FNIP2: variants seen among roughly 807,000 people sequenced by gnomAD.
FNIP2 encodes folliculin interacting protein 2.
A neutral mutation model predicts 108.7 loss-of-function variants in FNIP2; 32 were observed. The observed-to-expected ratio is 0.29, with a 90% CI of 0.22 to 0.40. The LOEUF (loss-of-function observed/expected upper bound fraction) is 0.40. FNIP2 is among the 10% of genes least tolerant of loss of function. The probability of loss-of-function intolerance (pLI) is 1.00; values close to 1 mark genes in which losing one functional copy is unlikely to be tolerated. For missense variants in FNIP2, 1,202 were observed against 1,381.6 expected (o/e 0.87, Z 2.06); for synonymous variants, 480 against 496.7 (o/e 0.97, Z 0.45).
chr4:158,800,425 A>G (rs1339498324), intron 1 of FNIP2, among the ~76,000 whole-genome samples: 1 of 152,160 alleles, frequency 6.6e-6, no homozygotes, highest in Non-Finnish European at 1.5e-5. Flanking sequence ...GTGTGAGTCA[A>G]ATTGCACCCT....
At chr4:158,893,079 T>A (rs569617088) in intron 15 of FNIP2, 1 of 152,386 alleles carries the variant, frequency 6.6e-6, no homozygotes, top group Non-Finnish European at 1.5e-5. Flanking sequence ...TGCCGTTGGT[T>A]AGTTGTGTAA....
At chr4:158,803,061 A>T (rs1214097505) in intron 1 of FNIP2, among the ~76,000 whole-genome samples, 4 of 152,196 alleles carry the variant, frequency 2.6e-5, no homozygotes, top group Non-Finnish European at 5.9e-5. Flanking sequence ...TAGAAAGTTC[A>T]TCAGTTTTGT....
At chr4:158,816,611 C>T (rs186040307) in intron 1 of FNIP2, among the ~76,000 whole-genome samples, 230 of 152,032 alleles carry the variant, frequency 1.5e-3, no homozygotes, top group African/African-American at 4.2e-3. Context: ...GCTGAAACCC[C>T]CTCTCTACTA....
At chr4:158,783,508 C>G (rs1329474615) in intron 1 of FNIP2, among the ~76,000 whole-genome samples, 3 of 152,222 alleles carry the variant, frequency 2.0e-5, no homozygotes, top group Admixed American at 6.5e-5. Flanking sequence ...TATTACCTGT[C>G]TGTTCTGAAG....
intron 1 of FNIP2, among the ~76,000 whole-genome samples, chr4:158,800,477 T>G (rs936802321): frequency 1.3e-5 from 2 of 152,204 alleles, no homozygotes; most frequent in Admixed American, 1.3e-4. Context: ...CTGTCAGAAA[T>G]TGTTTTGCCT....
intron 15 of FNIP2, 136 bp downstream of exon 15, chr4:158,891,782 C>A: frequency 1.2e-6 from 1 of 812,732 alleles, no homozygotes; most frequent in Non-Finnish European, 1.9e-6. Context: ...CTAGAACATG[C>A]AGCATAAAAC....
At chr4:158,851,195 T>C in intron 7 of FNIP2, 126 bp from the exon 8 acceptor site, 1 of 1,126,666 alleles carries the variant, frequency 8.9e-7, no homozygotes, top group Non-Finnish European at 1.3e-6. Context: ...GTGTACAGTT[T>C]AGTGATATTA....
chr4:158,778,589 A>G (rs959049222), intron 1 of FNIP2, among the ~76,000 whole-genome samples: 7 of 151,842 alleles, frequency 4.6e-5, no homozygotes, highest in Non-Finnish European at 7.3e-5. Flanking sequence ...TCGCATAACT[A>G]TGATTATAGT....
chr4:158,788,681 A>C (rs1776303547), intron 1 of FNIP2, among the ~76,000 whole-genome samples: 1 of 152,226 alleles, frequency 6.6e-6, no homozygotes, highest in Non-Finnish European at 1.5e-5. Flanking sequence ...TGTATTCTTT[A>C]AGAAAAAGTA....
At chr4:158,876,637 G>A (rs566858423) in intron 14 of FNIP2, among the ~76,000 whole-genome samples, 13 of 152,178 alleles carry the variant, frequency 8.5e-5, no homozygotes, top group Admixed American at 7.9e-4. Context: ...AGGGCTTCAG[G>A]TGCCTTGAAG....
At chr4:158,859,816 G>A (rs940520517) in intron 10 of FNIP2, 150 bp downstream of exon 10, 1 of 673,544 alleles carries the variant, frequency 1.5e-6, no homozygotes. Flanking sequence ...AACAAATGAA[G>A]CAAAAAATTT....
chr4:158,854,829 T>A (rs1225217400), intron 8 of FNIP2, among the ~76,000 whole-genome samples: 2 of 152,152 alleles, frequency 1.3e-5, no homozygotes, highest in Admixed American at 1.3e-4. Context: ...TGGCATTCCT[T>A]CCTCCCAGGT....
intron 14 of FNIP2, among the ~76,000 whole-genome samples, chr4:158,882,087 G>A (rs1198731300): frequency 6.6e-6 from 1 of 151,872 alleles, no homozygotes; most frequent in Non-Finnish European, 1.5e-5. Context: ...ACCCTGTCTG[G>A]GAGGTGAGGA....
At chr4:158,817,771 C>T (rs190412309) in intron 1 of FNIP2, among the ~76,000 whole-genome samples, 24 of 152,354 alleles carry the variant, frequency 1.6e-4, no homozygotes, top group African/African-American at 5.3e-4. Context: ...TGGTCTCAGA[C>T]TTCTGGCCTC....
chr4:158,796,158 C>T (rs182669689), intron 1 of FNIP2: 8 of 152,196 alleles, frequency 5.3e-5, no homozygotes, highest in Admixed American at 2.0e-4. Context: ...GAAACGTTTT[C>T]GGAAAGGGAC....
At chr4:158,802,830 G>C (rs1444969430) in intron 1 of FNIP2, among the ~76,000 whole-genome samples, 2 of 152,146 alleles carry the variant, frequency 1.3e-5, no homozygotes, top group African/African-American at 4.8e-5. Flanking sequence ...CTTGTGTCTT[G>C]AGTACCAGAT....
intron 1 of FNIP2, among the ~76,000 whole-genome samples, chr4:158,778,113 C>T (rs1775918464): frequency 2.0e-5 from 3 of 152,246 alleles, no homozygotes; most frequent in Admixed American, 2.0e-4. Context: ...TGGTCAGACA[C>T]TAAAGTCACC....
intron 14 of FNIP2, among the ~76,000 whole-genome samples, chr4:158,886,188 C>G (rs932489242): frequency 2.0e-5 from 3 of 152,166 alleles, no homozygotes; most frequent in Non-Finnish European, 4.4e-5. Context: ...AAAATCTTCA[C>G]AGGAAAGTAG....
chr4:158,850,204 T>C (rs1292468683), intron 7 of FNIP2, among the ~76,000 whole-genome samples: 2 of 152,220 alleles, frequency 1.3e-5, no homozygotes, highest in African/African-American at 4.8e-5. Flanking sequence ...CATAGTATAC[T>C]GTATTTACCA....
Sources: gnomAD v4.1 joint callset for allele counts (sites outside exome capture counted in the v4.1 genomes callset) on GRCh38, gnomAD v4.1.1 for gene constraint, MANE v1.5 for transcripts, NCBI Gene and HGNC (gene_info 2026-07-23, HGNC 2026-07-21) for gene names.